MYO16: variants seen among roughly 807,000 people sequenced by gnomAD.
MYO16 encodes myosin XVI, also known as unconventional myosin-XVI.
A neutral mutation model predicts 205.3 loss-of-function variants in MYO16; 94 were observed. The ratio of observed to expected loss-of-function variants is 0.46; its 90% CI spans 0.39 to 0.54. MYO16 has a LOEUF of 0.54. Among genes scored for constraint, MYO16 ranks in the 20% least tolerant of loss-of-function variants. MYO16 has a pLI of 0.00. For synonymous variants in MYO16, 988 were observed against 954.0 expected, an observed-to-expected ratio of 1.04 and a Z score of -0.66; for missense variants, 2,315 against 2,387.5, an observed-to-expected ratio of 0.97 and a Z score of 0.63.
At chr13:108,774,109 CAATA>C (rs1201952256) in intron 4 of MYO16, among the ~76,000 whole-genome samples, 1 of 151,534 alleles carries the variant, frequency 6.6e-6, no homozygotes, top group Non-Finnish European at 1.5e-5. Flanking sequence ...AAATAAATAA[CAATA>C]AAATAAAATA....
the MYO16 span, among the ~76,000 whole-genome samples, chr13:108,566,578 G>A: frequency 0.39 from 59,295 of 151,312 alleles, 12,739 homozygotes; most frequent in East Asian, 0.56. Flanking sequence ...GTTGCAGTGA[G>A]CAGAGATCAT....
rs544464280 is a variant in MYO16, at chr13:108,961,215, A to G, written c.2038-324A>G. ...CTTACAAGTGAAGCCCAGCCAGTCA[A>G]ACCCTAAGCACACAATTATTCATTT... is the stretch of plus-strand genomic sequence containing the variant. On this transcript the variant is annotated intron_variant, in intron 17 of 34. Transcript: ENST00000457511. 3.9e-5 allele frequency among the ~76,000 whole-genome samples: 6 copies of G among 152,318 alleles called. No individual in the cohort carries two copies. In the East Asian group the frequency reaches 1.2e-3, roughly 29 times the overall value.
At chr13:108,616,563 G>A (rs779475743) in intron 1 of MYO16, among the ~76,000 whole-genome samples, 4 of 152,088 alleles carry the variant, frequency 2.6e-5, no homozygotes, top group Admixed American at 1.3e-4. Flanking sequence ...TATAAACCAC[G>A]CTGCCGGTGA....
At chr13:108,754,654 A>G (rs1286502452) in intron 4 of MYO16, among the ~76,000 whole-genome samples, 1 of 152,214 alleles carries the variant, frequency 6.6e-6, no homozygotes. Context: ...ACTCCTTAGT[A>G]TAAATCCCAA....
At chr13:108,814,789 G>A (rs1216986679) in intron 7 of MYO16, among the ~76,000 whole-genome samples, 1 of 152,144 alleles carries the variant, frequency 6.6e-6, no homozygotes, top group South Asian at 2.1e-4. Context: ...ACTGGCAAGA[G>A]CCATAATTAT....
chr13:109,140,391 C>A lies in MYO16; in HGVS notation c.4179C>A (p.Pro1393=). 2 of 1,595,504 alleles carry A rather than the reference C, an allele frequency of 1.3e-6. No individual in the cohort carries two copies. The highest frequency in any genetic ancestry group is 1.7e-5 in the Admixed American group (1 of 59,284). ...GSYEEISGSR[P]GDARPAGAPG... is the part of the protein sequence containing the mutation. ...ACGAGGAGATATCGGGGTCCCGGCC[C>A]GGGGACGCGAGGCCCGCGGGCGCCC... Residue 1393 remains proline (P), a synonymous_variant, in exon 32 of 35, where the codon CCC becomes CCA. Transcript: ENST00000457511. The surrounding 1 kb of genome is among the most constrained non-coding windows in gnomAD (Gnocchi z 8.0).
chr13:108,577,722 G>A, the MYO16 span, among the ~76,000 whole-genome samples: 8 of 152,176 alleles, frequency 5.3e-5, no homozygotes, highest in Non-Finnish European at 1.0e-4. Context: ...CATACTTATA[G>A]TCCCATTTAC....
At chr13:108,724,935 T>A (rs1018665799) in intron 3 of MYO16, among the ~76,000 whole-genome samples, 1 of 152,146 alleles carries the variant, frequency 6.6e-6, no homozygotes, top group Admixed American at 6.6e-5. Flanking sequence ...GTGCTCTTCA[T>A]TTTGATATAA....
rs9634576 is a variant in MYO16 at position 109,127,905 on chromosome 13, A to G, written c.4051+355A>G. Among the ~76,000 whole-genome samples, 33,726 of 151,138 alleles carry G rather than the reference A, an allele frequency of 0.22. 4,313 individuals carry two copies. The highest frequency in any genetic ancestry group is 0.49 in the East Asian group (2,520 of 5,136). On this transcript the variant is annotated intron_variant, in intron 31 of 34. Transcript: ENST00000457511. The surrounding 1 kb of genome is among the most constrained non-coding windows in gnomAD (Gnocchi z 4.2). Reference sequence around the variant, plus strand: ...TGCTTCAGGCATTCCAGTTATCACAATCTAATAAAAAATTAAGACTGCTTC... The same window carrying G: ...TGCTTCAGGCATTCCAGTTATCACAGTCTAATAAAAAATTAAGACTGCTTC...
At chr13:108,829,451 A>G (rs1328866879) in intron 9 of MYO16, among the ~76,000 whole-genome samples, 1 of 152,180 alleles carries the variant, frequency 6.6e-6, no homozygotes, top group Non-Finnish European at 1.5e-5. Context: ...TTTTAAACTG[A>G]TTATAACCAT....
intron 32 of MYO16, among the ~76,000 whole-genome samples, chr13:109,147,402 A>T (rs1217747557): frequency 1.3e-5 from 2 of 152,192 alleles, no homozygotes; most frequent in Non-Finnish European, 2.9e-5. Context: ...GTGCTCCAGG[A>T]CGGTGTGTGC....
intron 1 of MYO16, among the ~76,000 whole-genome samples, chr13:108,655,941 C>T (rs577903627): frequency 3.3e-5 from 5 of 152,094 alleles, no homozygotes; most frequent in Non-Finnish European, 7.4e-5. Context: ...AGCTTGCTTT[C>T]GATTTTACAG....
At chr13:108,749,015 C>CT (rs1259243863) in intron 4 of MYO16, among the ~76,000 whole-genome samples, 1 of 151,838 alleles carries the variant, frequency 6.6e-6, no homozygotes, top group Admixed American at 6.6e-5. Flanking sequence ...TGATAATACT[C>CT]TTTTTTCAGT....
chr13:108,573,475 G>C, the MYO16 span, among the ~76,000 whole-genome samples: 4 of 152,172 alleles, frequency 2.6e-5, no homozygotes, highest in African/African-American at 9.7e-5. Context: ...CATTTATACT[G>C]TTTTGATACT....
intron 27 of MYO16, among the ~76,000 whole-genome samples, chr13:109,062,292 A>G (rs1335444386): frequency 6.6e-6 from 1 of 152,154 alleles, no homozygotes; most frequent in East Asian, 1.9e-4. Flanking sequence ...TTCATTCACA[A>G]TGCTTGTGCA....
intron 27 of MYO16, among the ~76,000 whole-genome samples, chr13:109,074,764 T>TA (rs1294996761): frequency 6.6e-6 from 1 of 152,046 alleles, no homozygotes; most frequent in African/African-American, 2.4e-5. Flanking sequence ...CTGCTACACT[T>TA]ACGCTATCAG....
chr13:108,996,874 G>T (rs1885017571), intron 21 of MYO16, among the ~76,000 whole-genome samples: 1 of 152,138 alleles, frequency 6.6e-6, no homozygotes, highest in African/African-American at 2.4e-5. Flanking sequence ...AATGAGCAAA[G>T]TCATGGAAAC....
In MYO16 at chr13:109,140,829, G is replaced by A. The variant is rs150813880; in HGVS notation, c.4617G>A (p.Lys1539=). Residue 1539 remains lysine (K), a synonymous_variant, in exon 32 of 35, where the codon AAG becomes AAA. Coordinates refer to ENST00000457511, the MANE Select transcript of MYO16 (RefSeq NM_001198950.3). The surrounding 1 kb of genome is among the most constrained non-coding windows in gnomAD (Gnocchi z 8.0). ...DESPLTPLEV[K]KLPVLETNLK... ...CGCCCCTGACACCCCTGGAGGTGAAGAAGCTGCCAGTCCTGGAGACCAACC... is the reference window on the plus strand; with the variant it reads ...CGCCCCTGACACCCCTGGAGGTGAAAAAGCTGCCAGTCCTGGAGACCAACC... The A allele has an allele frequency of 0.026, 41,464 of 1,594,084 alleles. 612 individuals carry two copies. Among genetic ancestry groups the A allele is most frequent in the Admixed American group, 0.034 (2,000 of 58,378 alleles).
At chr13:109,098,691 C>T in intron 27 of MYO16, among the ~76,000 whole-genome samples, 1 of 152,136 alleles carries the variant, frequency 6.6e-6, no homozygotes, top group Non-Finnish European at 1.5e-5. Flanking sequence ...ATCAGACCAG[C>T]AGCAGATCAT....
Sources: gnomAD v4.1 joint callset for allele counts (sites outside exome capture counted in the v4.1 genomes callset) on GRCh38, gnomAD v4.1.1 for gene constraint, Gnocchi (gnomAD v3.1) non-coding constraint, MANE v1.5 for transcripts, NCBI Gene and HGNC (gene_info 2026-07-23, HGNC 2026-07-21) for gene names.